ASTN2: variants seen among roughly 807,000 people sequenced by gnomAD.
ASTN2 encodes astrotactin-2.
In ASTN2, 54 loss-of-function variants were observed where a neutral mutation model predicts 139.8. That is an observed-to-expected ratio of 0.39 (90% CI 0.31 to 0.48). The LOEUF is 0.48. ASTN2 is among the 20% of genes least tolerant of loss of function. The pLI, the probability that ASTN2 is intolerant of heterozygous loss-of-function variation, is 0.95. For missense variants in ASTN2, 1,565 were observed against 1,725.1 expected (o/e 0.91, Z 1.64); for synonymous variants, 756 against 719.5 (o/e 1.05, Z -0.81).
intron 3 of ASTN2, among the ~76,000 whole-genome samples, chr9:117,156,352 T>C (rs1830433273): frequency 6.6e-6 from 1 of 152,090 alleles, no homozygotes; most frequent in Non-Finnish European, 1.5e-5. Context: ...AAACTGATCC[T>C]GAGAGAGATT....
intron 2 of ASTN2, among the ~76,000 whole-genome samples, chr9:117,223,177 G>C (rs1167565380): frequency 6.6e-6 from 1 of 152,182 alleles, no homozygotes; most frequent in East Asian, 1.9e-4. Context: ...ATTGAAAACA[G>C]GGATACCATT....
chr9:116,460,402 T>A (rs570786428), intron 20 of ASTN2, among the ~76,000 whole-genome samples: 53 of 152,170 alleles, frequency 3.5e-4, no homozygotes, highest in Non-Finnish European at 4.4e-4. Flanking sequence ...AATTTCATGG[T>A]ATGTGAATTA....
chr9:116,923,156 C>A (rs1326804), intron 10 of ASTN2, among the ~76,000 whole-genome samples: 150,135 of 152,328 alleles, frequency 0.99, 74,028 homozygotes, highest in East Asian at 1. Flanking sequence ...TATAACAGTA[C>A]AATTCTAACC....
At position 117,005,419 on chromosome 9, in the gene ASTN2, A is replaced by G. The variant is rs1837328160; in HGVS notation, c.1591+2673T>C. 1.3e-5 allele frequency among the ~76,000 whole-genome samples: 2 copies of G among 152,012 alleles called. 1 individual carries two copies. The highest frequency in any genetic ancestry group is 1.3e-4 in the Admixed American group (2 of 15,256). ...TGGCACCCATTTAAAATACAAGTTT[A>G]ATTTTTTCCATCAGAAGTAGGGCTC... On this transcript the variant is annotated intron_variant, in intron 7 of 22. Transcript: ENST00000313400.
intron 3 of ASTN2, among the ~76,000 whole-genome samples, chr9:117,151,582 G>C (rs1338631129): frequency 6.6e-6 from 1 of 152,124 alleles, no homozygotes; most frequent in East Asian, 1.9e-4. Context: ...CTGAGAACCT[G>C]TCTTCTAACT....
intron 10 of ASTN2, among the ~76,000 whole-genome samples, chr9:116,969,648 G>A (rs1288915111): frequency 6.6e-6 from 1 of 152,056 alleles, no homozygotes; most frequent in Non-Finnish European, 1.5e-5. Context: ...ACCTTACTAT[G>A]CCAAAAGCCA....
At chr9:117,231,823 C>G (rs1832900554) in intron 2 of ASTN2, among the ~76,000 whole-genome samples, 1 of 152,178 alleles carries the variant, frequency 6.6e-6, no homozygotes, top group African/African-American at 2.4e-5. Context: ...AATCCCATTT[C>G]TCAGGCCATT....
intron 13 of ASTN2, among the ~76,000 whole-genome samples, chr9:116,734,300 T>C (rs1828864105): frequency 6.6e-6 from 1 of 152,162 alleles, no homozygotes; most frequent in Non-Finnish European, 1.5e-5. Flanking sequence ...CCCAGAAAAC[T>C]GAACTGTGAA....
At chr9:117,390,895 G>A (rs1030970065) in intron 1 of ASTN2, among the ~76,000 whole-genome samples, 4 of 152,164 alleles carry the variant, frequency 2.6e-5, no homozygotes, top group Non-Finnish European at 4.4e-5. Flanking sequence ...AGTATGCTTT[G>A]TTTTACAAGA....
Position 117,414,445 on chromosome 9 carries a change from G to A in ASTN2, c.442+52C>T, listed in dbSNP as rs1831266677. 3 of 1,597,586 alleles carry A rather than the reference G, an allele frequency of 1.9e-6. No homozygotes were observed. Among genetic ancestry groups the A allele is most frequent in the African/African-American group, 1.4e-5 (1 of 73,430 alleles). ...GGCGCCCCCACCCGTCCGGCATGACGCAGGGGCTCGGGGTTCCTTGGGATC... is the reference window on the plus strand; with the variant it reads ...GGCGCCCCCACCCGTCCGGCATGACACAGGGGCTCGGGGTTCCTTGGGATC... On this transcript the variant is annotated intron_variant, in intron 1 of 22. Coordinates refer to ENST00000313400, the MANE Select transcript of ASTN2 (RefSeq NM_001365068.1). The surrounding 1 kb of genome is among the most constrained non-coding windows in gnomAD (Gnocchi z 4.2).
chr9:116,845,069 A>T (rs1481883598), intron 11 of ASTN2, among the ~76,000 whole-genome samples: 2 of 152,186 alleles, frequency 1.3e-5, no homozygotes, highest in Non-Finnish European at 2.9e-5. Context: ...GGGTGCAAAC[A>T]TGGGGGCGTT....
At chr9:116,464,538 T>C (rs1848594114) in intron 20 of ASTN2, among the ~76,000 whole-genome samples, 1 of 152,180 alleles carries the variant, frequency 6.6e-6, no homozygotes. Context: ...TTATCTTCCT[T>C]GAGAGCAGTT....
intron 2 of ASTN2, among the ~76,000 whole-genome samples, chr9:117,285,797 A>G (rs143802005): frequency 1.3e-3 from 204 of 152,318 alleles, no homozygotes; most frequent in Middle Eastern, 0.01. Flanking sequence ...GACCTCTTGG[A>G]ATCCTGAATC....
intron 17 of ASTN2, among the ~76,000 whole-genome samples, chr9:116,621,414 TACACACACAC>T (rs56109422): frequency 7.0e-6 from 1 of 142,168 alleles, no homozygotes; most frequent in Non-Finnish European, 1.5e-5. Context: ...TTAAAACACA[TACACACACAC>T]ACACACACAC....
intron 22 of ASTN2, among the ~76,000 whole-genome samples, chr9:116,434,255 A>T (rs1847582174): frequency 6.6e-6 from 1 of 152,232 alleles, no homozygotes; most frequent in African/African-American, 2.4e-5. Flanking sequence ...ATGCCAAAAT[A>T]TACAGAAAAA....
chr9:116,554,365 A>C (rs1852498162), intron 19 of ASTN2, among the ~76,000 whole-genome samples: 1 of 152,220 alleles, frequency 6.6e-6, no homozygotes, highest in Non-Finnish European at 1.5e-5. Flanking sequence ...TCTGGTGTCA[A>C]GAGTCTAGTC....
chr9:117,132,983 A>G (rs1829861481), intron 4 of ASTN2, among the ~76,000 whole-genome samples: 1 of 152,162 alleles, frequency 6.6e-6, no homozygotes, highest in South Asian at 2.1e-4. Flanking sequence ...GGGATGAATA[A>G]TATCCCCAGG....
At chr9:116,626,260 C>T (rs1037183281) in intron 17 of ASTN2, among the ~76,000 whole-genome samples, 9 of 146,150 alleles carry the variant, frequency 6.2e-5, no homozygotes, top group African/African-American at 2.3e-4. Flanking sequence ...CCTGCCTCAG[C>T]CTCTCAAAGT....
intron 10 of ASTN2, among the ~76,000 whole-genome samples, chr9:116,911,632 C>T (rs1301900228): frequency 1.3e-5 from 2 of 152,108 alleles, no homozygotes; most frequent in Non-Finnish European, 2.9e-5. Context: ...GGTTTATGCG[C>T]GGTGGCTCAC....
Sources: allele counts gnomAD v4.1 joint callset (sites outside exome capture counted in the v4.1 genomes callset), GRCh38; gene constraint gnomAD v4.1.1; non-coding constraint Gnocchi (gnomAD v3.1); transcripts MANE v1.5; gene names NCBI Gene and HGNC (gene_info 2026-07-23, HGNC 2026-07-21).